TRIM2: variants seen among roughly 807,000 people sequenced by gnomAD.
TRIM2 encodes tripartite motif-containing protein 2.
In TRIM2, 20 loss-of-function variants were observed where a neutral mutation model predicts 75.2. The observed-to-expected ratio is 0.27, with a 90% CI of 0.19 to 0.39. The LOEUF is 0.39. TRIM2 is among the 10% of genes least tolerant of loss of function. TRIM2 has a pLI of 1.00. For synonymous variants in TRIM2, 373 were observed against 388.3 expected (o/e 0.96, Z 0.46); for missense variants, 660 against 990.8 (o/e 0.67, Z 4.48).
chr4:153,273,339 G>C (rs1308017063), intron 2 of TRIM2, among the ~76,000 whole-genome samples: 2 of 137,486 alleles, frequency 1.5e-5, no homozygotes, highest in Non-Finnish European at 1.5e-5. Flanking sequence ...GCCGTGGCGC[G>C]ATCTCGGCTC....
At position 153,179,951 on chromosome 4, in the gene TRIM2, A is replaced by AT. The variant is rs11449723; in HGVS notation, c.-49+26683dup. ...TTTTATTGCTAAATCTATACGGTTA[A>AT]TTGGCCAAGCATTGGAGGCCTGGAG... On this transcript the variant is annotated intron_variant, in intron 1 of 11. Transcript: ENST00000437508. 5.9e-3 allele frequency among the ~76,000 whole-genome samples: 896 copies of AT among 152,324 alleles called. 14 individuals are homozygous for AT. Among genetic ancestry groups the AT allele is most frequent in the African/African-American group, 0.02 (850 of 41,566 alleles).
chr4:153,204,407 G>A, upstream of TRIM2: 2 of 1,111,964 alleles, frequency 1.8e-6, no homozygotes, highest in South Asian at 1.3e-5. Context: ...GTGCTGACTA[G>A]CTGTTTATAT....
At position 153,186,697 on chromosome 4, in the gene TRIM2, G is replaced by A. The variant is rs114732940; in HGVS notation, c.-49+33427G>A. On this transcript the variant is annotated intron_variant, in intron 1 of 11. Transcript: ENST00000437508. ...CCCCGAAAGGGGAAGCCTTTCCCAC[G>A]CCTGCACCATTATTCCACCTCCTCT... 7.9e-3 allele frequency among the ~76,000 whole-genome samples: 1,200 copies of A among 152,220 alleles called. 10 individuals are homozygous for A. The highest frequency in any genetic ancestry group is 0.027 in the African/African-American group (1,122 of 41,532).
intron 1 of TRIM2, among the ~76,000 whole-genome samples, chr4:153,172,288 C>T (rs1039095531): frequency 3.9e-5 from 6 of 152,012 alleles, no homozygotes; most frequent in Admixed American, 2.0e-4. Flanking sequence ...CCTGGGTTCA[C>T]GCCATTCTCC....
intron 2 of TRIM2, 119 bp from the exon 3 acceptor site, chr4:153,275,774 G>C: frequency 3.5e-6 from 3 of 866,984 alleles, no homozygotes; most frequent in Non-Finnish European, 3.7e-6. Context: ...CCTAGTAAAG[G>C]AGACTGGGAT....
chr4:153,247,573 GA>G (rs1240596354), intron 1 of TRIM2, among the ~76,000 whole-genome samples: 5 of 151,200 alleles, frequency 3.3e-5, no homozygotes, highest in Non-Finnish European at 7.4e-5. Flanking sequence ...AGCTACTCAG[GA>G]GGCTGAGGCA....
In TRIM2 at chr4:153,337,578, A is replaced by C; in HGVS notation, c.*2612A>C. 1 of 985,828 alleles carries C rather than the reference A, an allele frequency of 1.0e-6. No homozygotes were observed. Among genetic ancestry groups the C allele is most frequent in the Non-Finnish European group, 1.2e-6 (1 of 829,930 alleles). 61.1% of individuals were successfully genotyped at this position (985,828 alleles called of 1,614,324 possible). On this transcript the variant is annotated 3_prime_UTR_variant, in exon 12 of 12. Coordinates refer to ENST00000338700, the MANE Select transcript of TRIM2 (RefSeq NM_015271.5). ...ATTTCACACTTGGATACATATGTGC[A>C]TTTACTGTATTTCTTGGTAAGCATA...
chr4:153,241,473 G>A (rs1211681324), intron 1 of TRIM2, among the ~76,000 whole-genome samples: 1 of 152,150 alleles, frequency 6.6e-6, no homozygotes, highest in Non-Finnish European at 1.5e-5. Context: ...ATTCCTTTAC[G>A]AACTGTGACA....
At chr4:153,200,968 G>GT (rs1222792325), upstream of TRIM2, among the ~76,000 whole-genome samples, 2 of 150,720 alleles carry the variant, frequency 1.3e-5, no homozygotes, top group African/African-American at 2.4e-5. Context: ...GGTTTTTTGG[G>GT]TTTTTTTTCT....
At position 153,273,270 on chromosome 4, in the gene TRIM2, C is replaced by CTTTT. The variant is rs72414117; in HGVS notation, c.216-2603_216-2600dup. On this transcript the variant is annotated intron_variant, in intron 2 of 11. Coordinates refer to ENST00000338700, the MANE Select transcript of TRIM2 (RefSeq NM_015271.5). Reference sequence around the variant, plus strand: ...ACTCAGTGAGCACCTTACAGTCACTCTTTTTTTTTTTTTTTTTTTTTTTGA... The same window carrying CTTTT: ...ACTCAGTGAGCACCTTACAGTCACTCTTTTTTTTTTTTTTTTTTTTTTTTTTTGA... Among the ~76,000 whole-genome samples the CTTTT allele has an allele frequency of 7.7e-4, 44 of 57,378 alleles. 6 individuals carry two copies. Among genetic ancestry groups the CTTTT allele is most frequent in the East Asian group, 3.8e-3 (6 of 1,566 alleles). 37.6% of individuals were successfully genotyped at this position (57,378 alleles called of 152,430 possible). A position where few individuals can be genotyped will look rare whatever the true frequency, so the allele number is the denominator to read the frequency against.
intron 1 of TRIM2, among the ~76,000 whole-genome samples, chr4:153,195,247 G>A (rs1042935357): frequency 2.0e-5 from 3 of 152,162 alleles, no homozygotes; most frequent in Non-Finnish European, 2.9e-5. Flanking sequence ...AGCTAGGCAC[G>A]GTGGCTGAGG....
chr4:153,339,220 A>G lies in TRIM2; in HGVS notation c.*4254A>G, dbSNP rs966077104. The G allele has an allele frequency of 1.0e-6, 1 of 984,564 alleles. No individual in the cohort carries two copies. The highest frequency in any genetic ancestry group is 4.7e-5 in the South Asian group (1 of 21,260). 61.0% of individuals were successfully genotyped at this position (984,564 alleles called of 1,614,324 possible). A position where few individuals can be genotyped will look rare whatever the true frequency, so the allele number is the denominator to read the frequency against. ...GCTTTAGTCTACAATGAAACTTTCA[A>G]TTAATTCTGTCTTGAAACATAGGAG... On this transcript the variant is annotated 3_prime_UTR_variant, in exon 12 of 12. Transcript: ENST00000338700.
chr4:153,257,823 C>A, intron 1 of TRIM2: 1 of 337,544 alleles, frequency 3.0e-6, no homozygotes, highest in Non-Finnish European at 5.9e-6. Flanking sequence ...ACTGATTTCT[C>A]CTGCTCTCTC....
chr4:153,203,103 CAAAAA>C (rs200371158), upstream of TRIM2, among the ~76,000 whole-genome samples: 7 of 87,328 alleles, frequency 8.0e-5, no homozygotes, highest in Non-Finnish European at 1.6e-4. Context: ...GACTCCATCT[CAAAAA>C]AAAAAAAAAA....
Position 153,338,974 on chromosome 4 carries a change from T to G in TRIM2, c.*4008T>G. 10 of 985,606 alleles carry G rather than the reference T, an allele frequency of 1.0e-5. No homozygotes were observed. Among genetic ancestry groups the G allele is most frequent in the Non-Finnish European group, 1.1e-5 (9 of 829,768 alleles). 61.1% of individuals were successfully genotyped at this position (985,606 alleles called of 1,614,324 possible). A position where few individuals can be genotyped will look rare whatever the true frequency, so the allele number is the denominator to read the frequency against. ...AGGGGTTTTTTTTTTTTGCTTTGTT[T>G]TCTTTTTAGATTTTGTACATTCCAT... On this transcript the variant is annotated 3_prime_UTR_variant, in exon 12 of 12. Coordinates refer to ENST00000338700, the MANE Select transcript of TRIM2 (RefSeq NM_015271.5).
chr4:153,203,301 G>A (rs145211555), upstream of TRIM2, among the ~76,000 whole-genome samples: 3 of 151,862 alleles, frequency 2.0e-5, no homozygotes, highest in East Asian at 5.8e-4. Context: ...AGGATGACCT[G>A]AGCCCAGGAG....
intron 3 of TRIM2, among the ~76,000 whole-genome samples, chr4:153,288,888 T>C (rs1277400474): frequency 6.6e-6 from 1 of 152,118 alleles, no homozygotes; most frequent in Non-Finnish European, 1.5e-5. Flanking sequence ...GAATTTTTCA[T>C]TGCAGTTATA....
At chr4:153,216,298 T>C (rs889288026) in intron 1 of TRIM2, among the ~76,000 whole-genome samples, 2 of 152,194 alleles carry the variant, frequency 1.3e-5, no homozygotes, top group Non-Finnish European at 2.9e-5. Context: ...GAAAGTATGC[T>C]CTTACTCTAA....
chr4:153,262,581 T>G (rs777184178), intron 1 of TRIM2, among the ~76,000 whole-genome samples: 11 of 152,216 alleles, frequency 7.2e-5, no homozygotes, highest in South Asian at 2.1e-4. Context: ...ACAATAGTGA[T>G]GTTATCTGTA....
Sources: allele counts gnomAD v4.1 joint callset (sites outside exome capture counted in the v4.1 genomes callset), GRCh38; gene constraint gnomAD v4.1.1; transcripts MANE v1.5; gene names NCBI Gene and HGNC (gene_info 2026-07-23, HGNC 2026-07-21).